NUGGC: variants seen among roughly 807,000 people sequenced by gnomAD.
NUGGC encodes the protein nuclear GTPase SLIP-GC.
NUGGC carries 58 observed loss-of-function variants against 92.6 expected under a neutral mutation model. The observed-to-expected ratio is 0.63, with a 90% CI of 0.51 to 0.78. The LOEUF (loss-of-function observed/expected upper bound fraction) is 0.78. Among genes scored for constraint, NUGGC ranks in the 30% least tolerant of loss-of-function variants. NUGGC has a pLI of 0.00. For missense variants in NUGGC, 925 were observed against 964.6 expected (o/e 0.96, Z 0.54); for synonymous variants, 376 against 366.4 (o/e 1.03, Z -0.30).
Position 28,033,628 on chromosome 8 carries a change from AG to A in NUGGC, c.1680del (p.Ser561ProfsTer9). The A allele has an allele frequency of 6.2e-7, 1 of 1,613,964 alleles. No homozygotes were observed. Among genetic ancestry groups the A allele is most frequent in the African/African-American group, 1.3e-5 (1 of 75,054 alleles). On this transcript the variant is annotated frameshift_variant, in exon 14 of 19. Coordinates refer to ENST00000413272, the MANE Select transcript of NUGGC (RefSeq NM_001010906.2). LOFTEE classifies it high-confidence loss of function. ...AGATCAATTCTCGCCAGAGTCCTGGAGGCATAGATGCCATTTTTCAGGCAAA... is the reference window on the plus strand; with the variant it reads ...AGATCAATTCTCGCCAGAGTCCTGGAGCATAGATGCCATTTTTCAGGCAAA... ...KAVCLKNGIY[A>X]SRTLARIDLN...
chr8:28,061,224 G>A (rs546766652), intron 7 of NUGGC, among the ~76,000 whole-genome samples: 92 of 152,336 alleles, frequency 6.0e-4, no homozygotes, highest in African/African-American at 1.8e-3. Flanking sequence ...GCCCCTGCAC[G>A]TTTAGTTCAA....
At chr8:28,075,214 T>C (rs750398939) in intron 1 of NUGGC, among the ~76,000 whole-genome samples, 1 of 152,124 alleles carries the variant, frequency 6.6e-6, no homozygotes, top group Non-Finnish European at 1.5e-5. Flanking sequence ...GGGAAGGAGA[T>C]GCAGTGACTT....
In NUGGC at chr8:28,023,186, T is replaced by G. The variant is rs1487272639; in HGVS notation, c.*131A>C. ...CTAGGAGTTCGAGGCTGCAGTGAGC[T>G]GTGATGGTGCCACTGCACTCCAGCC... On this transcript the variant is annotated 3_prime_UTR_variant, in exon 19 of 19. Coordinates refer to ENST00000413272, the MANE Select transcript of NUGGC (RefSeq NM_001010906.2). The G allele has an allele frequency of 1.0e-6, 1 of 978,436 alleles. No individual in the cohort carries two copies. The highest frequency in any genetic ancestry group is 1.6e-5 in the African/African-American group (1 of 61,282). 60.6% of individuals were successfully genotyped at this position (978,436 alleles called of 1,614,324 possible). A position where few individuals can be genotyped will look rare whatever the true frequency, so the allele number is the denominator to read the frequency against.
At chr8:28,062,373 T>C (rs1810328048) in intron 7 of NUGGC, among the ~76,000 whole-genome samples, 1 of 151,954 alleles carries the variant, frequency 6.6e-6, no homozygotes, top group South Asian at 2.1e-4. Flanking sequence ...AATCCCAACA[T>C]TTTGGGAGGC....
rs1194077650 is a variant in NUGGC, at chr8:28,045,591, T to C, written c.1382A>G (p.Tyr461Cys). 2.5e-6 allele frequency: 4 copies of C among 1,613,150 alleles called. No individual in the cohort carries two copies. Among genetic ancestry groups the C allele is most frequent in the South Asian group, 1.1e-5 (1 of 91,036 alleles). Residue 461 changes from tyrosine (Y) to cysteine (C), a missense_variant, in exon 12 of 19, where the codon TAT becomes TGT. Physicochemically the swap from Tyr to Cys is radical, Grantham distance 194. Transcript: ENST00000413272. ...LDKKKRTVTK[Y>C]VTEAFGLLLL... ...CAACAGGCCAAAGGCTTCAGTCACA[T>C]ACTTGGTCACTGTCCTCTTCTTCTT...
At chr8:28,033,971 C>T (rs1052194238) in intron 13 of NUGGC, among the ~76,000 whole-genome samples, 4 of 152,176 alleles carry the variant, frequency 2.6e-5, no homozygotes, top group Admixed American at 6.5e-5. Context: ...CTCATTTGTC[C>T]GGCTCCTGTA....
intron 4 of NUGGC, among the ~76,000 whole-genome samples, chr8:28,068,668 T>C (rs1810509355): frequency 6.6e-6 from 1 of 152,188 alleles, no homozygotes; most frequent in Non-Finnish European, 1.5e-5. Context: ...TTCCACACAA[T>C]CCCTGTAATG....
At chr8:28,050,177 G>A (rs1283031937) in intron 10 of NUGGC, among the ~76,000 whole-genome samples, 2 of 151,976 alleles carry the variant, frequency 1.3e-5, no homozygotes, top group East Asian at 3.9e-4. Flanking sequence ...CCGGAGGTCT[G>A]GAGTTTGAGA....
At position 28,047,528 on chromosome 8, in the gene NUGGC, G is replaced by A; in HGVS notation, c.1291C>T (p.Leu431Phe). The change falls in exon 11 of 19, where the codon CTC (leucine) becomes TTC (phenylalanine). Residue 431 changes from leucine (L) to phenylalanine (F), a missense_variant. Coordinates refer to ENST00000413272, the MANE Select transcript of NUGGC (RefSeq NM_001010906.2). ...TTACCCGTTTCCTCCTCGGTGAGGA[G>A]AGCCTGCTGCCAGTACTCCTGGGCG... Reference protein sequence around the residue: ...VSAQEYWQQALLTEEETEIPK... With the variant: ...VSAQEYWQQAFLTEEETEIPK... The A allele has an allele frequency of 6.4e-7, 1 of 1,562,050 alleles. No homozygotes were observed. The highest frequency in any genetic ancestry group is 8.7e-7 in the Non-Finnish European group (1 of 1,151,196).
intron 2 of NUGGC, among the ~76,000 whole-genome samples, chr8:28,072,119 C>T (rs1183587712): frequency 2.0e-5 from 3 of 152,206 alleles, no homozygotes; most frequent in Non-Finnish European, 4.4e-5. Context: ...ATGCTATTTG[C>T]CAAGGCCTGA....
chr8:28,036,922 C>T (rs1323485084), intron 13 of NUGGC, among the ~76,000 whole-genome samples: 1 of 152,204 alleles, frequency 6.6e-6, no homozygotes, highest in Admixed American at 6.5e-5. Context: ...GTGCACAACC[C>T]TGCACATTAT....
At chr8:28,060,369 ACCCACAGAGGAAAGC>A (rs1279809949) in intron 8 of NUGGC, 42 bp downstream of exon 8, 104 of 1,496,330 alleles carry the variant, frequency 7.0e-5, no homozygotes, top group Non-Finnish European at 9.3e-5. Flanking sequence ...TGTAGTCAGG[ACCCACAGAGGAAAGC>A]CCCTGACTGG....
intron 10 of NUGGC, among the ~76,000 whole-genome samples, chr8:28,053,011 A>T (rs893522337): frequency 4.6e-5 from 7 of 152,002 alleles, no homozygotes; most frequent in Non-Finnish European, 1.0e-4. Flanking sequence ...GGAAAGGGAG[A>T]CATCCACATG....
At chr8:28,065,493 A>G (rs1328311633) in intron 6 of NUGGC, among the ~76,000 whole-genome samples, 8 of 152,152 alleles carry the variant, frequency 5.3e-5, no homozygotes, top group East Asian at 1.9e-4. Context: ...TTTAAAATTT[A>G]TCTTCTGATT....
At chr8:28,051,853 C>T (rs1185543305) in intron 10 of NUGGC, among the ~76,000 whole-genome samples, 4 of 151,970 alleles carry the variant, frequency 2.6e-5, no homozygotes, top group South Asian at 4.1e-4. Context: ...ACCCAGGAGG[C>T]GGAGGTTGCG....
chr8:28,074,499 G>T, intron 1 of NUGGC, 43 bp from the exon 2 acceptor site: 1 of 1,351,342 alleles, frequency 7.4e-7, no homozygotes, highest in Non-Finnish European at 1.0e-6. Flanking sequence ...AGCGGAATTT[G>T]AAAATACAGA....
intron 6 of NUGGC, among the ~76,000 whole-genome samples, chr8:28,066,992 T>C (rs1486012613): frequency 1.3e-5 from 2 of 152,240 alleles, no homozygotes; most frequent in Admixed American, 6.5e-5. Flanking sequence ...TACTTTCTGA[T>C]GAAAGGGGAG....
Position 28,067,763 on chromosome 8 carries a change from G to A in NUGGC, c.481-19C>T. Reference sequence around the variant, plus strand: ...TCCACTCCTGCCAAGGCAGAGTAGGGCCAAGCCCCTCTTGACACAGACACA... The same window carrying A: ...TCCACTCCTGCCAAGGCAGAGTAGGACCAAGCCCCTCTTGACACAGACACA... On this transcript the variant is annotated intron_variant, in intron 5 of 18. Coordinates refer to ENST00000413272, the MANE Select transcript of NUGGC (RefSeq NM_001010906.2). 1 of 1,578,346 alleles carries A rather than the reference G, an allele frequency of 6.3e-7. No individual in the cohort carries two copies. The highest frequency in any genetic ancestry group is 2.3e-5 in the East Asian group (1 of 44,440).
At chr8:28,025,073 C>T (rs1220990690) in intron 18 of NUGGC, among the ~76,000 whole-genome samples, 1 of 152,230 alleles carries the variant, frequency 6.6e-6, no homozygotes, top group Non-Finnish European at 1.5e-5. Flanking sequence ...GCCTTCCACC[C>T]ACTGGGCTGT....
Sources: allele counts gnomAD v4.1 joint callset (sites outside exome capture counted in the v4.1 genomes callset), GRCh38; gene constraint gnomAD v4.1.1; transcripts MANE v1.5; gene names NCBI Gene and HGNC (gene_info 2026-07-23, HGNC 2026-07-21).